RNGTT: variants seen among roughly 807,000 people sequenced by gnomAD.
RNGTT encodes the protein mRNA-capping enzyme.
A neutral mutation model predicts 79.3 loss-of-function variants in RNGTT; 33 were observed. The ratio of observed to expected loss-of-function variants is 0.42; its 90% CI spans 0.32 to 0.56. The LOEUF (loss-of-function observed/expected upper bound fraction) is 0.56. RNGTT is among the 20% of genes least tolerant of loss of function. RNGTT has a pLI of 0.17. For synonymous variants in RNGTT, 222 were observed against 235.9 expected (o/e 0.94, Z 0.54); for missense variants, 497 against 739.1 (o/e 0.67, Z 3.80).
intron 1 of RNGTT, among the ~76,000 whole-genome samples, chr6:88,954,598 AAAAG>A (rs1785365352): frequency 2.0e-5 from 3 of 152,104 alleles, no homozygotes; most frequent in Non-Finnish European, 4.4e-5. Context: ...AGTCAACAAA[AAAAG>A]AATAGAGTTA....
intron 11 of RNGTT, among the ~76,000 whole-genome samples, chr6:88,844,136 A>G (rs1180088763): frequency 6.6e-6 from 1 of 152,032 alleles, no homozygotes; most frequent in Non-Finnish European, 1.5e-5. Context: ...TATTATGAGA[A>G]AAAGGGAAAC....
chr6:88,900,306 C>G (rs1181043178), intron 6 of RNGTT, among the ~76,000 whole-genome samples: 3 of 151,948 alleles, frequency 2.0e-5, no homozygotes, highest in African/African-American at 7.3e-5. Flanking sequence ...CAGAAGAGAA[C>G]TGAAAATCAT....
intron 14 of RNGTT, among the ~76,000 whole-genome samples, chr6:88,666,535 CTG>C (rs1774414377): frequency 6.6e-6 from 1 of 152,220 alleles, no homozygotes; most frequent in Non-Finnish European, 1.5e-5. Context: ...AAAGCCTGCT[CTG>C]TGAAAATCCC....
chr6:88,791,814 C>T (rs1779430877), intron 12 of RNGTT, among the ~76,000 whole-genome samples: 1 of 152,220 alleles, frequency 6.6e-6, no homozygotes, highest in Non-Finnish European at 1.5e-5. Context: ...GCTGCGATTA[C>T]AGGCGGGAGC....
At chr6:88,698,291 C>G (rs2756360) in intron 13 of RNGTT, among the ~76,000 whole-genome samples, 10,632 of 89,576 alleles carry the variant, frequency 0.12, 2,673 homozygotes, top group African/African-American at 0.48. Flanking sequence ...TCATATATAT[C>G]ATATATATAT....
rs117184094 is a variant in RNGTT, at chr6:88,805,602, T to A, written c.1270-3970A>T. ...ACTTGGTCCTGACAAAATATCCCTA[T>A]GCAAGGCAAAACTTCACTGGCAAGA... On this transcript the variant is annotated intron_variant, in intron 11 of 15. Coordinates refer to ENST00000369485, the MANE Select transcript of RNGTT (RefSeq NM_003800.5). Among the ~76,000 whole-genome samples, 11 of 152,246 alleles carry A rather than the reference T, an allele frequency of 7.2e-5. No homozygotes were observed. In the East Asian group the frequency reaches 1.9e-3, roughly 27 times the overall value.
intron 9 of RNGTT, among the ~76,000 whole-genome samples, chr6:88,852,390 A>T (rs573908983): frequency 1.4e-4 from 22 of 152,252 alleles, no homozygotes; most frequent in Non-Finnish European, 2.5e-4. Flanking sequence ...TGCTAAAAAA[A>T]GTACCTTAAA....
chr6:88,735,245 A>G (rs902084736), intron 13 of RNGTT, among the ~76,000 whole-genome samples: 1 of 152,258 alleles, frequency 6.6e-6, no homozygotes, highest in East Asian at 1.9e-4. Context: ...AAATCTCAAC[A>G]TCCCCTTTTT....
intron 14 of RNGTT, among the ~76,000 whole-genome samples, chr6:88,638,822 A>G (rs1477805608): frequency 1.3e-5 from 2 of 152,140 alleles, no homozygotes; most frequent in Non-Finnish European, 2.9e-5. Flanking sequence ...TTCCTCAAAA[A>G]CTGCAATAAG....
chr6:88,693,792 T>G (rs1390186400), intron 13 of RNGTT, among the ~76,000 whole-genome samples: 1 of 152,106 alleles, frequency 6.6e-6, no homozygotes, highest in Admixed American at 6.6e-5. Flanking sequence ...AAAGGACAGT[T>G]AAACATACAC....
intron 4 of RNGTT, among the ~76,000 whole-genome samples, chr6:88,913,227 C>CAAAAAAAAAAAA (rs869096332): frequency 9.1e-6 from 1 of 110,300 alleles, no homozygotes; most frequent in Admixed American, 8.9e-5. Flanking sequence ...AAAAAAAAAA[C>CAAAAAAAAAAAA]AAAAAAAAAA....
intron 1 of RNGTT, among the ~76,000 whole-genome samples, chr6:88,962,722 A>G (rs950981888): frequency 5.3e-5 from 8 of 152,072 alleles, no homozygotes; most frequent in East Asian, 3.9e-4. Context: ...GACGACAGAG[A>G]GAGACTATGT....
At chr6:88,816,497 G>A (rs1362457571) in intron 11 of RNGTT, among the ~76,000 whole-genome samples, 1 of 152,108 alleles carries the variant, frequency 6.6e-6, no homozygotes, top group Non-Finnish European at 1.5e-5. Context: ...AAAAAAGAAT[G>A]AACAGAACGA....
At chr6:88,882,121 T>C (rs573744396) in intron 8 of RNGTT, among the ~76,000 whole-genome samples, 6 of 152,194 alleles carry the variant, frequency 3.9e-5, no homozygotes, top group Admixed American at 3.3e-4. Context: ...CAATCCATAT[T>C]CTTCTCCTAA....
chr6:88,802,946 T>G (rs117623644), intron 11 of RNGTT, among the ~76,000 whole-genome samples: 7 of 152,296 alleles, frequency 4.6e-5, no homozygotes, highest in Non-Finnish European at 7.4e-5. Flanking sequence ...ATGCTGTGTG[T>G]TATACATCCC....
intron 11 of RNGTT, among the ~76,000 whole-genome samples, chr6:88,839,698 T>C (rs73498436): frequency 0.014 from 2,177 of 152,334 alleles, 51 homozygotes; most frequent in African/African-American, 0.05. Flanking sequence ...GAGAAGGTGA[T>C]AAATGGATGG....
rs202167444 is a variant in RNGTT at position 88,790,699 on chromosome 6, CT to C, written c.1338+10864del. 3.5e-3 allele frequency among the ~76,000 whole-genome samples: 537 copies of C among 152,234 alleles called. 2 individuals are homozygous for C. The highest frequency in any genetic ancestry group is 0.012 in the African/African-American group (503 of 41,548). On this transcript the variant is annotated intron_variant, in intron 12 of 15. Transcript: ENST00000369485. Reference sequence around the variant, plus strand: ...AGATTACCTCTAATATACTATATTACTTTTCTCATAACAATGTATTACTTGC... The same window carrying C: ...AGATTACCTCTAATATACTATATTACTTTCTCATAACAATGTATTACTTGC...
intron 13 of RNGTT, among the ~76,000 whole-genome samples, chr6:88,702,289 T>A (rs1399594320): frequency 2.6e-5 from 4 of 151,922 alleles, no homozygotes; most frequent in African/African-American, 9.7e-5. Context: ...AGATGAAGGC[T>A]TTACATTATC....
rs562526626 is a variant in RNGTT, at chr6:88,929,804, G to GTA, written c.175-539_175-538dup. Among the ~76,000 whole-genome samples, 152 of 150,190 alleles carry GTA rather than the reference G, an allele frequency of 1.0e-3. 3 individuals carry two copies. The South Asian group carries it at 0.013, about 13-fold the overall frequency. On this transcript the variant is annotated intron_variant, in intron 2 of 15. Transcript: ENST00000369485. ...TCCATTTATATCATATATATGATGT[G>GTA]TATATATATATACATACATATACAC...
Sources: gnomAD v4.1 joint callset for allele counts (sites outside exome capture counted in the v4.1 genomes callset) on GRCh38, gnomAD v4.1.1 for gene constraint, MANE v1.5 for transcripts, NCBI Gene and HGNC (gene_info 2026-07-23, HGNC 2026-07-21) for gene names.